Variants in STK33 observed in about 807,000 individuals in gnomAD.
STK33 encodes the protein serine/threonine-protein kinase 33.
A neutral mutation model predicts 58.0 loss-of-function variants in STK33; 52 were observed. The ratio of observed to expected loss-of-function variants is 0.90; its 90% CI spans 0.72 to 1.13. The LOEUF is 1.13. STK33 is among the 50% of genes most tolerant of loss of function. The pLI is 0.00. For missense variants in STK33, 630 were observed against 604.2 expected (o/e 1.04, Z -0.45); for synonymous variants, 215 against 200.1 (o/e 1.07, Z -0.63).
chr11:8,514,999 T>C (rs975530546), intron 1 of STK33, among the ~76,000 whole-genome samples: 1 of 151,850 alleles, frequency 6.6e-6, no homozygotes, highest in African/African-American at 2.4e-5. Context: ...AAAATGCAAT[T>C]GCAAAAATTA....
the STK33 span, among the ~76,000 whole-genome samples, chr11:8,342,200 T>C: frequency 6.6e-6 from 1 of 152,208 alleles, no homozygotes; most frequent in African/African-American, 2.4e-5. Flanking sequence ...GCTAAGCAGC[T>C]AAAACTCTGG....
the STK33 span, among the ~76,000 whole-genome samples, chr11:8,362,174 C>T: frequency 6.6e-6 from 1 of 152,194 alleles, no homozygotes; most frequent in Non-Finnish European, 1.5e-5. Flanking sequence ...GCTTTGAGAA[C>T]AAGGTCACAT....
the STK33 span, among the ~76,000 whole-genome samples, chr11:8,345,108 C>T: frequency 5.3e-5 from 8 of 152,188 alleles, no homozygotes; most frequent in Non-Finnish European, 1.2e-4. Context: ...TCCCTCTATG[C>T]TTGGCCCCAG....
intron 1 of STK33, among the ~76,000 whole-genome samples, chr11:8,515,509 A>T (rs1952696555): frequency 6.6e-6 from 1 of 152,224 alleles, no homozygotes; most frequent in Non-Finnish European, 1.5e-5. Flanking sequence ...CCGATACCAA[A>T]GCCAGATAAA....
At chr11:8,430,987 C>G (rs1943357811) in intron 14 of STK33, among the ~76,000 whole-genome samples, 1 of 151,780 alleles carries the variant, frequency 6.6e-6, no homozygotes, top group African/African-American at 2.4e-5. Context: ...CTGCCTCAGC[C>G]TCCCAAGTAG....
chr11:8,528,674 C>T (rs1010388374), intron 1 of STK33, among the ~76,000 whole-genome samples: 5 of 152,192 alleles, frequency 3.3e-5, no homozygotes, highest in Admixed American at 1.3e-4. Context: ...AGTCAATTCA[C>T]GACAGTTATG....
At chr11:8,341,050 G>T in the STK33 span, among the ~76,000 whole-genome samples, 1 of 152,162 alleles carries the variant, frequency 6.6e-6, no homozygotes, top group Non-Finnish European at 1.5e-5. Context: ...TAGAGACGGG[G>T]TTTCATCATG....
the STK33 span, among the ~76,000 whole-genome samples, chr11:8,351,603 T>A: frequency 6.6e-6 from 1 of 152,238 alleles, no homozygotes; most frequent in Non-Finnish European, 1.5e-5. Flanking sequence ...AGAGGCTGAT[T>A]CCATCTCTCG....
chr11:8,507,448 A>G (rs2139327933), intron 1 of STK33, among the ~76,000 whole-genome samples: 1 of 152,336 alleles, frequency 6.6e-6, no homozygotes, highest in South Asian at 2.1e-4. Flanking sequence ...TGCCTGATAA[A>G]TTATAAACAC....
intron 1 of STK33, among the ~76,000 whole-genome samples, chr11:8,521,539 C>G (rs886755906): frequency 2.0e-5 from 3 of 152,010 alleles, no homozygotes; most frequent in African/African-American, 4.8e-5. Context: ...GAAAACCTAG[C>G]CAATACCATT....
At chr11:8,538,185 CAA>C (rs879392901) in intron 1 of STK33, among the ~76,000 whole-genome samples, 2 of 134,516 alleles carry the variant, frequency 1.5e-5, no homozygotes. Flanking sequence ...CAGACAGTAT[CAA>C]AAAAAAAAAA....
At chr11:8,420,156 T>C (rs1467277066) in intron 14 of STK33, among the ~76,000 whole-genome samples, 5 of 152,060 alleles carry the variant, frequency 3.3e-5, no homozygotes, top group African/African-American at 4.8e-5. Context: ...ATGTAAATTA[T>C]AGTAAGAAAA....
chr11:8,449,642 G>A (rs113279308), intron 11 of STK33, among the ~76,000 whole-genome samples: 3 of 142,124 alleles, frequency 2.1e-5, no homozygotes, highest in African/African-American at 2.6e-5. Flanking sequence ...TGGGGTGGGT[G>A]GGGGGAGGGA....
chr11:8,373,279 G>A, the STK33 span, among the ~76,000 whole-genome samples: 1 of 152,232 alleles, frequency 6.6e-6, no homozygotes, highest in Admixed American at 6.5e-5. Flanking sequence ...CACAAGGCCA[G>A]CCCAGACTCA....
At chr11:8,414,882 G>A (rs903145439) in intron 14 of STK33, among the ~76,000 whole-genome samples, 1 of 152,080 alleles carries the variant, frequency 6.6e-6, no homozygotes, top group African/African-American at 2.4e-5. Flanking sequence ...TTTCCTTGAA[G>A]GTTCAATTTA....
rs181681352 is a variant in STK33 at position 8,445,998 on chromosome 11, G to A, written c.872-5245C>T. ...CTCTGGTAGAATTCGGCTGTGAATC[G>A]GTCTGGTCCTGGGCTTTTTTTGGTT... On this transcript the variant is annotated intron_variant, in intron 11 of 15. Transcript: ENST00000687296. Among the ~76,000 whole-genome samples, 83 of 150,804 alleles carry A rather than the reference G, an allele frequency of 5.5e-4. No individual in the cohort carries two copies. In the East Asian group the frequency reaches 0.014, roughly 25 times the overall value.
intron 15 of STK33, among the ~76,000 whole-genome samples, chr11:8,411,146 G>C (rs142559523): frequency 2.4e-3 from 371 of 152,340 alleles, no homozygotes; most frequent in African/African-American, 8.5e-3. Flanking sequence ...AGCTGATAAA[G>C]ACTTTGTCTT....
intron 14 of STK33, among the ~76,000 whole-genome samples, chr11:8,426,220 C>T (rs1170766985): frequency 6.6e-6 from 1 of 152,178 alleles, no homozygotes; most frequent in Non-Finnish European, 1.5e-5. Flanking sequence ...GTGGTTTTCC[C>T]CTGGAGTCAG....
At chr11:8,526,186 C>T (rs1954005603) in intron 1 of STK33, among the ~76,000 whole-genome samples, 1 of 152,086 alleles carries the variant, frequency 6.6e-6, no homozygotes, top group African/African-American at 2.4e-5. Flanking sequence ...TTCATGAAGT[C>T]AAGAGATTGA....
Sources: gnomAD v4.1 joint callset for allele counts (sites outside exome capture counted in the v4.1 genomes callset) on GRCh38, gnomAD v4.1.1 for gene constraint, MANE v1.5 for transcripts, NCBI Gene and HGNC (gene_info 2026-07-23, HGNC 2026-07-21) for gene names.